The following CSMD2 variants were observed in gnomAD, a reference collection of about 807,000 sequenced individuals.
CSMD2 encodes CUB and sushi domain-containing protein 2.
In CSMD2, 130 loss-of-function variants were observed where a neutral mutation model predicts 398.5. That is an observed-to-expected ratio of 0.33 (90% confidence interval 0.28 to 0.38). The LOEUF is 0.38. CSMD2 is among the 10% of genes least tolerant of loss of function. The pLI is 1.00. For synonymous variants in CSMD2, 1,828 were observed against 1,908.5 expected, an observed-to-expected ratio of 0.96 and a Z score of 1.10; for missense variants, 3,829 against 4,764.9, an observed-to-expected ratio of 0.80 and a Z score of 5.78.
intron 3 of CSMD2, among the ~76,000 whole-genome samples, chr1:33,942,072 T>TTG (rs1644693417): frequency 1.3e-5 from 2 of 152,196 alleles, no homozygotes; most frequent in African/African-American, 4.8e-5. Context: ...AAAAGCTTAC[T>TTG]GAGAGACTTA....
rs1570984195 is a variant in CSMD2, at chr1:33,624,372, C to T, written c.5625+147G>A. On this transcript the variant is annotated intron_variant, in intron 35 of 70. Coordinates refer to ENST00000373381, the MANE Select transcript of CSMD2 (RefSeq NM_001281956.2). The surrounding 1 kb of genome is among the most constrained non-coding windows in gnomAD (Gnocchi z 4.7). ...CACTTGGACTGAGCCTCCTTAGCCG[C>T]AGGGGCAGGTACAGGGCTGATATGT... 1 of 968,864 alleles carries T rather than the reference C, an allele frequency of 1.0e-6. No individual in the cohort carries two copies. Among genetic ancestry groups the T allele is most frequent in the East Asian group, 2.5e-5 (1 of 39,828 alleles). The allele number at this position is 968,864 out of a possible 1,614,324, so 60.0% of individuals were successfully genotyped here.
intron 3 of CSMD2, among the ~76,000 whole-genome samples, chr1:34,024,841 T>C (rs1481257904): frequency 6.6e-5 from 10 of 152,246 alleles, no homozygotes; most frequent in Non-Finnish European, 1.3e-4. Flanking sequence ...TAGCCCAATT[T>C]TGAGATGTCT....
chr1:34,051,119 A>G (rs920997757), intron 2 of CSMD2, among the ~76,000 whole-genome samples: 2 of 152,234 alleles, frequency 1.3e-5, no homozygotes, highest in Non-Finnish European at 2.9e-5. Flanking sequence ...GGTAAGGAAG[A>G]TTATGTCTGG....
intron 5 of CSMD2, among the ~76,000 whole-genome samples, chr1:33,905,236 G>A (rs1360019848): frequency 1.3e-5 from 2 of 152,160 alleles, no homozygotes; most frequent in Admixed American, 6.5e-5. Flanking sequence ...GGGGCTAGCT[G>A]GGAAAGAGAA....
At chr1:33,632,742 T>C (rs1181698463) in intron 32 of CSMD2, among the ~76,000 whole-genome samples, 1 of 152,212 alleles carries the variant, frequency 6.6e-6, no homozygotes, top group Non-Finnish European at 1.5e-5. Flanking sequence ...ATTCCACTTC[T>C]AGATATTCTA....
chr1:33,602,466 C>T lies in CSMD2; in HGVS notation c.6613G>A (p.Asp2205Asn), dbSNP rs765420038. The change falls in exon 43 of 71, where the codon GAC (aspartate) becomes AAC (asparagine). Residue 2205 changes from aspartate to asparagine, a missense_variant. Physicochemically the swap from Asp to Asn is conservative, Grantham distance 23 (BLOSUM62 1). This residue lies in a region of CSMD2 where 723 missense variants were observed against 758.6 expected (regional missense o/e 0.95). Coordinates refer to ENST00000373381, the MANE Select transcript of CSMD2 (RefSeq NM_001281956.2). ...GGCACGGTGATCAGCCAGACACAGT[C>T]CTGGGAGCTGGAGTACGGGCTAGGG... ...GFPSPYSSSQ[D>N]CVWLITVPIG... The T allele has an allele frequency of 1.2e-6, 2 of 1,613,874 alleles. No individual in the cohort carries two copies. The highest frequency in any genetic ancestry group is 3.3e-5 in the Admixed American group (2 of 60,014).
At chr1:33,867,879 C>G (rs1243988657) in intron 5 of CSMD2, among the ~76,000 whole-genome samples, 3 of 152,146 alleles carry the variant, frequency 2.0e-5, no homozygotes, top group African/African-American at 7.2e-5. Context: ...CAGCTAGGCC[C>G]CAGCTCTCAT....
At chr1:33,770,741 T>A (rs747260913) in intron 13 of CSMD2, among the ~76,000 whole-genome samples, 3 of 152,188 alleles carry the variant, frequency 2.0e-5, no homozygotes, top group Non-Finnish European at 4.4e-5. Context: ...AGACCCCTCA[T>A]CCTTGTTTCA....
intron 1 of CSMD2, among the ~76,000 whole-genome samples, chr1:34,133,769 G>A (rs1558439749): frequency 6.6e-6 from 1 of 151,958 alleles, no homozygotes; most frequent in Admixed American, 6.6e-5. Context: ...GGTAGGGAGT[G>A]TGAATATAAA....
intron 2 of CSMD2, among the ~76,000 whole-genome samples, chr1:34,077,632 G>A (rs1656580038): frequency 1.3e-5 from 2 of 150,398 alleles, no homozygotes; most frequent in African/African-American, 4.9e-5. Context: ...AGCTACTCGG[G>A]AGGCTGAGGC....
At chr1:33,741,635 C>T (rs140825625) in intron 14 of CSMD2, among the ~76,000 whole-genome samples, 362 of 152,284 alleles carry the variant, frequency 2.4e-3, no homozygotes, top group Non-Finnish European at 4.3e-3. Flanking sequence ...TAACATCTCT[C>T]CTTTGACCTC....
intron 3 of CSMD2, among the ~76,000 whole-genome samples, chr1:34,000,156 C>G (rs1646854698): frequency 6.6e-6 from 1 of 152,032 alleles, no homozygotes; most frequent in Admixed American, 6.5e-5. Flanking sequence ...AATCCTCAGA[C>G]CTTCAGCGAA....
chr1:33,585,044 C>T (rs907498674), intron 46 of CSMD2, among the ~76,000 whole-genome samples: 7 of 152,170 alleles, frequency 4.6e-5, no homozygotes, highest in African/African-American at 1.2e-4. Context: ...GACCATCCAC[C>T]TCCATTTGTT....
chr1:33,772,930 T>A (rs1204383376), intron 12 of CSMD2, among the ~76,000 whole-genome samples, 179 bp from the exon 13 acceptor site: 1 of 152,212 alleles, frequency 6.6e-6, no homozygotes, highest in Non-Finnish European at 1.5e-5. Context: ...TGCAATGTCC[T>A]GTTTCATCGC....
intron 19 of CSMD2, among the ~76,000 whole-genome samples, chr1:33,723,588 C>T (rs1027229621): frequency 2.6e-5 from 4 of 152,152 alleles, no homozygotes; most frequent in African/African-American, 4.8e-5. Flanking sequence ...AGGTCACTCA[C>T]GTTAGGGGAG....
In CSMD2 at chr1:34,162,165, A is replaced by T. The variant is rs1641391402; in HGVS notation, c.187+2746T>A. On this transcript the variant is annotated intron_variant, in intron 1 of 70. Coordinates refer to ENST00000373381, the MANE Select transcript of CSMD2 (RefSeq NM_001281956.2). Reference sequence around the variant, plus strand: ...CCAGCCTGGACAACAAAAGAGTGAAACTCCCTCTCAAAAAAAAAAAAAAAA... The same window carrying T: ...CCAGCCTGGACAACAAAAGAGTGAATCTCCCTCTCAAAAAAAAAAAAAAAA... Among the ~76,000 whole-genome samples, 3 of 115,436 alleles carry T rather than the reference A, an allele frequency of 2.6e-5. No homozygotes were observed. The Admixed American group carries it at 3.1e-4, about 12-fold the overall frequency. 75.7% of individuals were successfully genotyped at this position (115,436 alleles called of 152,430 possible).
At chr1:33,754,591 A>G (rs1041406703) in intron 13 of CSMD2, among the ~76,000 whole-genome samples, 3 of 152,266 alleles carry the variant, frequency 2.0e-5, no homozygotes, top group East Asian at 1.9e-4. Context: ...TCTGAGTTCA[A>G]TGTAAGTAGT....
Position 33,635,922 on chromosome 1 carries a change from A to G in CSMD2, c.4969+438T>C, listed in dbSNP as rs1308603392. Among the ~76,000 whole-genome samples the G allele has an allele frequency of 6.6e-6, 1 of 151,942 alleles. No individual in the cohort carries two copies. The highest frequency in any genetic ancestry group is 1.5e-5 in the Non-Finnish European group (1 of 67,982). ...TCTTAAAGCCCTGATACTCATTCCTATCTCTCTTGTCAGGACCCCCATGGC... is the reference window on the plus strand; with the variant it reads ...TCTTAAAGCCCTGATACTCATTCCTGTCTCTCTTGTCAGGACCCCCATGGC... On this transcript the variant is annotated intron_variant, in intron 30 of 70. Coordinates refer to ENST00000373381, the MANE Select transcript of CSMD2 (RefSeq NM_001281956.2). This position sits in a 1 kb window ranked among gnomAD's most constrained non-coding sequence, Gnocchi z 5.0.
chr1:33,944,314 G>A (rs994904087), intron 3 of CSMD2, among the ~76,000 whole-genome samples: 17 of 152,092 alleles, frequency 1.1e-4, no homozygotes, highest in Admixed American at 5.2e-4. Context: ...ACTGTGGGGC[G>A]AGTGGGCTGC....
Sources: allele counts gnomAD v4.1 joint callset (sites outside exome capture counted in the v4.1 genomes callset), GRCh38; gene constraint gnomAD v4.1.1; regional missense constraint gnomAD v4.1.1; non-coding constraint Gnocchi (gnomAD v3.1); transcripts MANE v1.5; gene names NCBI Gene and HGNC (gene_info 2026-07-23, HGNC 2026-07-21).